Variants in SCN1A observed in about 807,000 individuals in gnomAD.
SCN1A encodes the protein sodium channel protein type 1 subunit alpha.
Under a neutral mutation model 193.7 loss-of-function variants are expected in SCN1A, and 13 were observed. The ratio of observed to expected loss-of-function variants is 0.07; its 90% CI spans 0.04 to 0.11. The LOEUF is 0.11. Ranked by LOEUF, SCN1A falls within the 10% of genes least tolerant of loss-of-function variation. The pLI is 1.00. For synonymous variants in SCN1A, 781 were observed against 843.6 expected (o/e 0.93, Z 1.29); for missense variants, 1,432 against 2,451.1 (o/e 0.58, Z 8.78).
intron 9 of SCN1A, among the ~76,000 whole-genome samples, chr2:166,051,325 A>G (rs1698530058): frequency 6.6e-6 from 1 of 152,080 alleles, no homozygotes; most frequent in Non-Finnish European, 1.5e-5. Context: ...GGGGGTAGAA[A>G]TACCAAATAA....
intron 2 of SCN1A, among the ~76,000 whole-genome samples, chr2:166,107,565 C>G (rs1406651369): frequency 6.6e-6 from 1 of 151,526 alleles, no homozygotes; most frequent in Non-Finnish European, 1.5e-5. Flanking sequence ...TGATCACATA[C>G]TTTTCTTAAT....
chr2:166,056,428 A>G lies in SCN1A; in HGVS notation c.456T>C (p.Asp152=), dbSNP rs2105909589. 6 of 1,596,404 alleles carry G rather than the reference A, an allele frequency of 3.8e-6. No homozygotes were observed. Among genetic ancestry groups the G allele is most frequent in the Non-Finnish European group, 5.2e-6 (6 of 1,164,130 alleles). ...CVFMTMSNPP[D]WTKNVEYTFT... ...GAACTTACTCTACATTCTTTGTCCA[A>G]TCAGGAGGGTTACTCATTGTCATAA... is the stretch of plus-strand genomic sequence containing the variant. Residue 152 remains aspartate, a synonymous_variant, in exon 6 of 29, where the codon GAT becomes GAC. Transcript: ENST00000674923.
chr2:166,103,119 G>A (rs1208210750), intron 2 of SCN1A, among the ~76,000 whole-genome samples: 1 of 151,968 alleles, frequency 6.6e-6, no homozygotes, highest in Non-Finnish European at 1.5e-5. Context: ...CAGACAGTCT[G>A]TTAGGCCAGA....
intron 1 of SCN1A, among the ~76,000 whole-genome samples, chr2:166,147,840 A>G (rs1389837458): frequency 6.6e-6 from 1 of 152,252 alleles, no homozygotes; most frequent in African/African-American, 2.4e-5. Flanking sequence ...TAGAATGAAA[A>G]GTACCTTCAG....
chr2:166,052,046 T>A, intron 8 of SCN1A, 58 bp from the exon 9 acceptor site: 1 of 1,489,460 alleles, frequency 6.7e-7, no homozygotes, highest in Non-Finnish European at 9.1e-7. Flanking sequence ...AATAAAAGCT[T>A]CACACAATTT....
At chr2:166,126,851 A>G (rs921775433) in intron 2 of SCN1A, 73 bp downstream of exon 2, 110 of 152,398 alleles carry the variant, frequency 7.2e-4, no homozygotes, top group African/African-American at 2.5e-3. Flanking sequence ...AACAATCACC[A>G]GTGAGTAATC....
chr2:166,145,126 G>A (rs1157077749), intron 1 of SCN1A, among the ~76,000 whole-genome samples: 1 of 147,300 alleles, frequency 6.8e-6, no homozygotes, highest in Non-Finnish European at 1.5e-5. Flanking sequence ...GTGAGCCACT[G>A]CACCTGGCCT....
In SCN1A at chr2:166,025,820, A is replaced by G. The variant is rs539620408; in HGVS notation, c.3430-10093T>C. Among the ~76,000 whole-genome samples, 4 of 152,086 alleles carry G rather than the reference A, an allele frequency of 2.6e-5. No homozygotes were observed. In the East Asian group the frequency reaches 7.7e-4, roughly 29 times the overall value. On this transcript the variant is annotated intron_variant, in intron 19 of 28. Coordinates refer to ENST00000674923, the MANE Select transcript of SCN1A (RefSeq NM_001165963.4). ...TCAAAGATATTTGTTAGGTTCTTTC[A>G]TCCCTTCTTAATCATATTAGTAATA...
At chr2:165,998,308 T>G (rs1035720842) in intron 25 of SCN1A, 133 bp from the exon 26 acceptor site, 19 of 678,192 alleles carry the variant, frequency 2.8e-5, no homozygotes, top group African/African-American at 9.2e-5. Context: ...CTGAATCAAC[T>G]ACCTCTAAAA....
intron 16 of SCN1A, among the ~76,000 whole-genome samples, chr2:166,040,976 TG>T (rs1485187944): frequency 3.3e-5 from 5 of 152,238 alleles, no homozygotes; most frequent in African/African-American, 1.2e-4. Flanking sequence ...TTCTGGATCC[TG>T]AAAAATTATA....
intron 1 of SCN1A, among the ~76,000 whole-genome samples, chr2:166,138,529 G>A (rs1191272709): frequency 2.6e-5 from 4 of 152,208 alleles, no homozygotes; most frequent in African/African-American, 4.8e-5. Context: ...CAGCTCCCAC[G>A]TGGTGTTGAG....
At chr2:166,074,231 T>G (rs1411596804) in intron 3 of SCN1A, among the ~76,000 whole-genome samples, 5 of 152,194 alleles carry the variant, frequency 3.3e-5, no homozygotes, top group African/African-American at 9.7e-5. Context: ...AACTATGTCC[T>G]GCTCACTTCA....
Position 165,986,127 on chromosome 2 carries a change from A to G in SCN1A, c.*5118T>C, listed in dbSNP as rs1688595153. On this transcript the variant is annotated 3_prime_UTR_variant, in exon 29 of 29. Transcript: ENST00000674923. ...CAATGACCCATTATCACGTATTCTC[A>G]CCATCATTTCCAAAGAACATTTAAA... 6.6e-6 allele frequency: 1 copy of G among 152,162 alleles called. No homozygotes were observed. The highest frequency in any genetic ancestry group is 2.4e-5 in the African/African-American group (1 of 41,454). 9.4% of individuals were successfully genotyped at this position (152,162 alleles called of 1,614,324 possible).
intron 3 of SCN1A, among the ~76,000 whole-genome samples, chr2:166,074,782 T>C (rs921219259): frequency 2.0e-5 from 3 of 152,192 alleles, no homozygotes; most frequent in Admixed American, 6.5e-5. Flanking sequence ...ATAGCTTTGG[T>C]GTATATGAAC....
chr2:166,090,721 G>A (rs1230374139), intron 2 of SCN1A, among the ~76,000 whole-genome samples: 1 of 152,014 alleles, frequency 6.6e-6, no homozygotes, highest in African/African-American at 2.4e-5. Flanking sequence ...AAGAGTGATA[G>A]GTACTTAATA....
chr2:166,097,271 C>T (rs1224002099), intron 2 of SCN1A, among the ~76,000 whole-genome samples: 1 of 151,886 alleles, frequency 6.6e-6, no homozygotes, highest in East Asian at 1.9e-4. Flanking sequence ...ATCTGCCCGC[C>T]TTGGCCTTCC....
At chr2:166,068,958 A>G (rs545743272) in intron 4 of SCN1A, among the ~76,000 whole-genome samples, 2 of 152,344 alleles carry the variant, frequency 1.3e-5, no homozygotes, top group African/African-American at 4.8e-5. Flanking sequence ...AATTTTAACA[A>G]GAACATGAGA....
intron 11 of SCN1A, 49 bp from the exon 12 acceptor site, chr2:166,047,025 G>A: frequency 1.9e-6 from 3 of 1,598,242 alleles, no homozygotes; most frequent in Non-Finnish European, 2.6e-6. Flanking sequence ...TTCACTAAGT[G>A]GTGGCTTCAA....
chr2:166,036,335 T>C lies in SCN1A; in HGVS notation c.3142A>G (p.Ile1048Val), dbSNP rs769247717. Residue 1048 changes from isoleucine (I) to valine (V), a missense_variant, in exon 19 of 29, where the codon ATT becomes GTT. Ile to Val is a conservative substitution (Grantham distance 29). Around this residue, in one of 18 missense-constraint regions of SCN1A, gnomAD observed 198 missense variants for 225.8 expected, o/e 0.88. Coordinates refer to ENST00000674923, the MANE Select transcript of SCN1A (RefSeq NM_001165963.4). Reference protein sequence around the residue: ...FIRKQKILDEIKPLDDLNNKK... With the variant: ...FIRKQKILDEVKPLDDLNNKK... ...TTGTTTAGATCATCAAGTGGTTTAA[T>C]TTCATCTAAAATCTTTTGTTTCCTA... The C allele has an allele frequency of 1.2e-6, 2 of 1,610,900 alleles. No individual in the cohort carries two copies. Among genetic ancestry groups the C allele is most frequent in the South Asian group, 2.2e-5 (2 of 90,042 alleles).
Sources: gnomAD v4.1 joint callset for allele counts (sites outside exome capture counted in the v4.1 genomes callset) on GRCh38, gnomAD v4.1.1 for gene constraint, gnomAD v4.1.1 regional missense constraint, MANE v1.5 for transcripts, NCBI Gene and HGNC (gene_info 2026-07-23, HGNC 2026-07-21) for gene names.